Variants in GFPT2 observed in about 807,000 individuals in gnomAD.
The protein encoded by GFPT2 is glutamine--fructose-6-phosphate aminotransferase [isomerizing] 2.
Under a neutral mutation model 85.6 loss-of-function variants are expected in GFPT2, and 62 were observed. The ratio of observed to expected loss-of-function variants is 0.72; its 90% CI spans 0.59 to 0.90. The LOEUF (loss-of-function observed/expected upper bound fraction) is 0.90. GFPT2 is among the 40% of genes least tolerant of loss of function. The pLI is 0.00. For missense variants in GFPT2, 788 were observed against 893.4 expected (o/e 0.88, Z 1.50); for synonymous variants, 368 against 344.5 (o/e 1.07, Z -0.75).
intron 14 of GFPT2, 23 bp downstream of exon 14, chr5:180,313,784 C>G (rs1333824945): frequency 2.6e-6 from 4 of 1,531,688 alleles, no homozygotes; most frequent in Non-Finnish European, 2.6e-6. Context: ...CTCCCTGGGA[C>G]GGGCGCCCGT....
At chr5:180,352,342 A>G (rs79540720) in intron 1 of GFPT2, 15 of 218,432 alleles carry the variant, frequency 6.9e-5, no homozygotes, top group South Asian at 4.7e-4. Context: ...ACTCAAGGAA[A>G]AAAAAAAAAA....
intron 9 of GFPT2, among the ~76,000 whole-genome samples, chr5:180,320,146 C>T (rs1764090604): frequency 6.6e-6 from 1 of 152,048 alleles, no homozygotes; most frequent in African/African-American, 2.4e-5. Flanking sequence ...GTGCCCGACA[C>T]CATGCCCGGC....
At chr5:180,321,233 C>T (rs1174076236) in intron 9 of GFPT2, among the ~76,000 whole-genome samples, 6 of 151,328 alleles carry the variant, frequency 4.0e-5, no homozygotes, top group Non-Finnish European at 7.4e-5. Flanking sequence ...GTAAAAACGG[C>T]CCTATCCTGT....
At chr5:180,315,714 G>A (rs773132988) in intron 13 of GFPT2, among the ~76,000 whole-genome samples, 20 of 152,288 alleles carry the variant, frequency 1.3e-4, no homozygotes, top group Non-Finnish European at 2.2e-4. Flanking sequence ...AATCTTCCAC[G>A]AGCTCAAGGA....
intron 9 of GFPT2, among the ~76,000 whole-genome samples, chr5:180,322,807 A>C (rs1371808922): frequency 3.3e-5 from 5 of 151,908 alleles, no homozygotes; most frequent in Non-Finnish European, 4.4e-5. Flanking sequence ...GAGGCTGAGG[A>C]GGGCGGATCA....
At chr5:180,350,967 A>ACAGACTT (rs1340650402) in intron 1 of GFPT2, among the ~76,000 whole-genome samples, 1 of 152,230 alleles carries the variant, frequency 6.6e-6, no homozygotes, top group Non-Finnish European at 1.5e-5. Context: ...CCAGGTGCGC[A>ACAGACTT]CAGACTTCGC....
chr5:180,305,964 CT>C (rs993532164), intron 16 of GFPT2, among the ~76,000 whole-genome samples: 15 of 144,472 alleles, frequency 1.0e-4, no homozygotes, highest in Admixed American at 3.6e-4. Context: ...CATTGTCTTT[CT>C]TTTTTTTTTC....
At chr5:180,325,190 A>AC (rs1764193198) in intron 7 of GFPT2, among the ~76,000 whole-genome samples, 1 of 152,112 alleles carries the variant, frequency 6.6e-6, no homozygotes, top group African/African-American at 2.4e-5. Flanking sequence ...TGACCAACCC[A>AC]CAAGGTTAGA....
intron 2 of GFPT2, among the ~76,000 whole-genome samples, chr5:180,338,104 A>G (rs72811049): frequency 0.15 from 22,751 of 152,172 alleles, 1,879 homozygotes; most frequent in East Asian, 0.19. Flanking sequence ...CAGCCTGAGT[A>G]ACAAAAATAA....
Position 180,330,983 on chromosome 5 carries a change from A to G in GFPT2, c.400-149T>C, listed in dbSNP as rs1465800658. ...GAAGGGGGGAAAAATGTTTGCCAGC[A>G]TCACAGCCAAATACCTCTGAGTCAC... On this transcript the variant is annotated intron_variant, in intron 5 of 18. Coordinates refer to ENST00000253778, the MANE Select transcript of GFPT2 (RefSeq NM_005110.4). This position sits in a 1 kb window ranked among gnomAD's most constrained non-coding sequence, Gnocchi z 4.4. The G allele has an allele frequency of 4.4e-6, 3 of 678,476 alleles. No individual in the cohort carries two copies. The highest frequency in any genetic ancestry group is 3.7e-4 in the Middle Eastern group (1 of 2,692). The allele number at this position is 678,476 out of a possible 1,614,324, so 42.0% of individuals were successfully genotyped here.
At chr5:180,312,764 TTATC>T (rs1424452266) in intron 14 of GFPT2, among the ~76,000 whole-genome samples, 1 of 151,816 alleles carries the variant, frequency 6.6e-6, no homozygotes, top group Non-Finnish European at 1.5e-5. Flanking sequence ...TAGGTTTTAT[TTATC>T]TATTTATTTA....
intron 18 of GFPT2, 93 bp from the exon 19 acceptor site, chr5:180,301,701 G>A: frequency 9.2e-7 from 1 of 1,083,724 alleles, no homozygotes. Context: ...AAAAACAAGA[G>A]ACAGATGTTC....
At chr5:180,352,301 C>G in intron 1 of GFPT2, 1 of 401,164 alleles carries the variant, frequency 2.5e-6, no homozygotes, top group East Asian at 7.9e-5. Flanking sequence ...GTCCTCCAGC[C>G]ACAGGAGGCT....
chr5:180,342,901 C>G (rs1384578727), intron 1 of GFPT2, among the ~76,000 whole-genome samples: 1 of 147,660 alleles, frequency 6.8e-6, no homozygotes, highest in African/African-American at 2.5e-5. Flanking sequence ...GACTCCATCT[C>G]AAAAAGAAAA....
chr5:180,332,494 CTA>C (rs1447955383), intron 4 of GFPT2, among the ~76,000 whole-genome samples: 4 of 151,956 alleles, frequency 2.6e-5, no homozygotes, highest in African/African-American at 9.7e-5. Flanking sequence ...TAAATATTGA[CTA>C]TTTTTTTCAA....
chr5:180,342,235 A>C (rs902966475), intron 1 of GFPT2, among the ~76,000 whole-genome samples: 1 of 152,072 alleles, frequency 6.6e-6, no homozygotes, highest in Non-Finnish European at 1.5e-5. Flanking sequence ...GCACGTCTTT[A>C]TCAGCAGCAT....
rs559455291 is a variant in GFPT2 at position 180,316,770 on chromosome 5, G to A, written c.1146C>T (p.Ala382=). 2.9e-5 allele frequency: 46 copies of A among 1,609,334 alleles called. No individual in the cohort carries two copies. The highest frequency in any genetic ancestry group is 2.2e-4 in the South Asian group (20 of 90,920). ...GCACATGTGTCACACTTACAGCCAC[G>A]GCAGCGTGGTAGCTGGTTCCACAGC... ...VIGCGTSYHA[A]VATRQVLEEL... The change falls in exon 12 of 19, where the codon GCC becomes GCT. Residue 382 remains alanine (A), a synonymous_variant. Coordinates refer to ENST00000253778, the MANE Select transcript of GFPT2 (RefSeq NM_005110.4).
chr5:180,308,961 C>T (rs1400263647), intron 15 of GFPT2, among the ~76,000 whole-genome samples: 2 of 152,064 alleles, frequency 1.3e-5, no homozygotes, highest in African/African-American at 4.8e-5. Flanking sequence ...CCTCGGCCAC[C>T]CGGGTTCAAG....
In GFPT2 at chr5:180,336,071, C is replaced by G. The variant is rs1415234147; in HGVS notation, c.215-118G>C. 3.1e-6 allele frequency: 3 copies of G among 953,026 alleles called. No homozygotes were observed. In the African/African-American group the frequency reaches 5.0e-5, roughly 16 times the overall value. 59.0% of individuals were successfully genotyped at this position (953,026 alleles called of 1,614,324 possible). On this transcript the variant is annotated intron_variant, in intron 3 of 18. Coordinates refer to ENST00000253778, the MANE Select transcript of GFPT2 (RefSeq NM_005110.4). ...CACCCACACCGATGGCACCTCCCCA[C>G]CAGCTCCCACCCTGGGAGTCCGCGC...
Sources: allele counts gnomAD v4.1 joint callset (sites outside exome capture counted in the v4.1 genomes callset), GRCh38; gene constraint gnomAD v4.1.1; non-coding constraint Gnocchi (gnomAD v3.1); transcripts MANE v1.5; gene names NCBI Gene and HGNC (gene_info 2026-07-23, HGNC 2026-07-21).